Variants in THSD7B observed in about 807,000 individuals in gnomAD.
THSD7B encodes the protein thrombospondin type 1 domain containing 7B.
THSD7B carries 138 observed loss-of-function variants against 213.6 expected under a neutral mutation model. The observed-to-expected ratio is 0.65, with a 90% CI of 0.56 to 0.74. THSD7B has a LOEUF of 0.74. Ranked by LOEUF, THSD7B falls within the 30% of genes least tolerant of loss-of-function variation. THSD7B has a pLI of 0.00. For missense variants in THSD7B, 1,931 were observed against 1,991.5 expected, an observed-to-expected ratio of 0.97 and a Z score of 0.58; for synonymous variants, 742 against 687.0, an observed-to-expected ratio of 1.08 and a Z score of -1.25.
intron 12 of THSD7B, among the ~76,000 whole-genome samples, chr2:137,380,090 G>A (rs939188655): frequency 2.0e-5 from 3 of 152,118 alleles, no homozygotes; most frequent in African/African-American, 7.2e-5. Flanking sequence ...AGACAGTTTA[G>A]AGCACGTGTG....
chr2:137,591,433 C>T (rs1681863014), intron 17 of THSD7B, among the ~76,000 whole-genome samples: 1 of 151,716 alleles, frequency 6.6e-6, no homozygotes. Flanking sequence ...TCCTTATTTC[C>T]TGAATATTTT....
intron 1 of THSD7B, among the ~76,000 whole-genome samples, chr2:136,870,413 A>C (rs1236535649): frequency 6.6e-6 from 1 of 152,244 alleles, no homozygotes; most frequent in Non-Finnish European, 1.5e-5. Context: ...TTCCCAGGCA[A>C]TATACTAGGA....
At chr2:136,951,523 G>A (rs1002618263) in intron 2 of THSD7B, among the ~76,000 whole-genome samples, 5 of 152,208 alleles carry the variant, frequency 3.3e-5, no homozygotes, top group African/African-American at 1.2e-4. Flanking sequence ...TTATTCTGCA[G>A]TGAGTAAACT....
chr2:136,848,533 T>C (rs1683046531), intron 1 of THSD7B, among the ~76,000 whole-genome samples: 2 of 152,176 alleles, frequency 1.3e-5, no homozygotes, highest in Non-Finnish European at 2.9e-5. Context: ...ATATAAATTC[T>C]AATAATTTTT....
intron 2 of THSD7B, among the ~76,000 whole-genome samples, chr2:137,020,206 G>T: frequency 6.6e-6 from 1 of 152,254 alleles, no homozygotes; most frequent in African/African-American, 2.4e-5. Flanking sequence ...TGAAACAAGT[G>T]TCATTCCAGG....
At chr2:137,325,158 G>GTTCTTTGT (rs1684341644) in intron 12 of THSD7B, among the ~76,000 whole-genome samples, 1 of 45,252 alleles carries the variant, frequency 2.2e-5, no homozygotes, top group Non-Finnish European at 4.4e-5. Flanking sequence ...CACCTACATT[G>GTTCTTTGT]TTTTTTGTTT....
chr2:137,517,230 AT>A (rs528598627), intron 15 of THSD7B, among the ~76,000 whole-genome samples: 1 of 152,254 alleles, frequency 6.6e-6, no homozygotes, highest in South Asian at 2.1e-4. Context: ...GCTTTGTGTC[AT>A]GATCTTGTTT....
chr2:137,582,941 T>A (rs944703454), intron 17 of THSD7B, among the ~76,000 whole-genome samples: 2 of 152,216 alleles, frequency 1.3e-5, no homozygotes, highest in Non-Finnish European at 2.9e-5. Flanking sequence ...GTTAAATTAG[T>A]TTACACTCCC....
intron 10 of THSD7B, among the ~76,000 whole-genome samples, chr2:137,248,273 G>A (rs1449246411): frequency 3.3e-5 from 5 of 152,136 alleles, no homozygotes; most frequent in African/African-American, 9.7e-5. Context: ...TCCTCTACAT[G>A]CTGGTATTAT....
intron 12 of THSD7B, among the ~76,000 whole-genome samples, chr2:137,387,957 T>C (rs1362643287): frequency 6.6e-6 from 1 of 152,224 alleles, no homozygotes; most frequent in East Asian, 1.9e-4. Flanking sequence ...GCCAGATTAC[T>C]GATATGTATA....
chr2:137,554,390 C>A (rs939236394), intron 15 of THSD7B, among the ~76,000 whole-genome samples: 16 of 152,154 alleles, frequency 1.1e-4, no homozygotes, highest in Non-Finnish European at 2.1e-4. Flanking sequence ...TAAACAAATG[C>A]TGACAGTTCA....
At chr2:137,129,889 C>G (rs948221465) in intron 5 of THSD7B, among the ~76,000 whole-genome samples, 6 of 152,164 alleles carry the variant, frequency 3.9e-5, no homozygotes, top group African/African-American at 1.4e-4. Flanking sequence ...TATCTCATCA[C>G]TGTTTTCTAA....
chr2:137,581,973 G>A (rs1336162146), intron 17 of THSD7B, among the ~76,000 whole-genome samples: 3 of 150,918 alleles, frequency 2.0e-5, no homozygotes, highest in Admixed American at 6.6e-5. Context: ...GTGGACACCT[G>A]TAATCCCAGC....
At chr2:137,010,562 G>A (rs183707946) in intron 2 of THSD7B, among the ~76,000 whole-genome samples, 1 of 152,152 alleles carries the variant, frequency 6.6e-6, no homozygotes, top group Non-Finnish European at 1.5e-5. Flanking sequence ...TGGCCTGTAA[G>A]GTGTGTAAGG....
At chr2:136,895,116 G>C (rs1019810648) in intron 2 of THSD7B, among the ~76,000 whole-genome samples, 1 of 152,148 alleles carries the variant, frequency 6.6e-6, no homozygotes, top group Non-Finnish European at 1.5e-5. Context: ...GTGGGAATAA[G>C]TGGCATCTTT....
At chr2:137,138,625 T>A (rs1339696238) in intron 5 of THSD7B, among the ~76,000 whole-genome samples, 1 of 152,094 alleles carries the variant, frequency 6.6e-6, no homozygotes, top group Non-Finnish European at 1.5e-5. Context: ...ATTGGGTGGG[T>A]TTATCATTCT....
At chr2:137,081,173 A>T (rs1043143200) in intron 3 of THSD7B, among the ~76,000 whole-genome samples, 1 of 152,114 alleles carries the variant, frequency 6.6e-6, no homozygotes, top group Non-Finnish European at 1.5e-5. Context: ...TATATGTCCC[A>T]GGGTCGATTG....
intron 1 of THSD7B, among the ~76,000 whole-genome samples, chr2:136,773,110 G>C (rs1014687326): frequency 6.6e-6 from 1 of 151,982 alleles, no homozygotes; most frequent in Non-Finnish European, 1.5e-5. Flanking sequence ...AATGTGAGTT[G>C]CCCGTCTTTG....
intron 2 of THSD7B, among the ~76,000 whole-genome samples, chr2:136,984,926 T>A (rs1277253089): frequency 6.6e-6 from 1 of 152,098 alleles, no homozygotes; most frequent in Non-Finnish European, 1.5e-5. Flanking sequence ...AGCAGAGAAC[T>A]TAGCTGCCTT....
Sources: gnomAD v4.1 joint callset for allele counts (sites outside exome capture counted in the v4.1 genomes callset) on GRCh38, gnomAD v4.1.1 for gene constraint, MANE v1.5 for transcripts, NCBI Gene and HGNC (gene_info 2026-07-23, HGNC 2026-07-21) for gene names.